Variants in SRSF11 observed in about 807,000 individuals in gnomAD.
SRSF11 encodes serine and arginine rich splicing factor 11, also known as serine/arginine-rich splicing factor 11.
In SRSF11, 9 loss-of-function variants were observed where a neutral mutation model predicts 56.0. The observed-to-expected ratio is 0.16, with a 90% CI of 0.10 to 0.28. SRSF11 has a LOEUF of 0.28. SRSF11 is among the 10% of genes least tolerant of loss of function. SRSF11 has a pLI of 1.00. For synonymous variants in SRSF11, 222 were observed against 215.3 expected, an observed-to-expected ratio of 1.03 and a Z score of -0.27; for missense variants, 421 against 600.7, an observed-to-expected ratio of 0.70 and a Z score of 3.13.
At chr1:70,238,937 T>G (rs1422575334) in intron 6 of SRSF11, among the ~76,000 whole-genome samples, 1 of 152,190 alleles carries the variant, frequency 6.6e-6, no homozygotes, top group Non-Finnish European at 1.5e-5. Flanking sequence ...CTTGGATGAT[T>G]TGCAATTTAT....
chr1:70,237,024 T>C (rs1192171892), intron 5 of SRSF11, among the ~76,000 whole-genome samples: 1 of 151,950 alleles, frequency 6.6e-6, no homozygotes, highest in Non-Finnish European at 1.5e-5. Context: ...CCTGACCTCG[T>C]GATCCACCTG....
chr1:70,242,129 A>ACT (rs1233555004), intron 7 of SRSF11, among the ~76,000 whole-genome samples: 1 of 149,996 alleles, frequency 6.7e-6, no homozygotes, highest in Non-Finnish European at 1.5e-5. Flanking sequence ...GGATGGCGCC[A>ACT]CTGCACTCCA....
At chr1:70,237,619 A>G in intron 6 of SRSF11, 67 bp downstream of exon 6, 21 of 1,592,816 alleles carry the variant, frequency 1.3e-5, no homozygotes, top group Non-Finnish European at 1.7e-5. Context: ...TAAATGTGGA[A>G]TTGTGTTGAG....
chr1:70,214,429 T>C (rs564571125), intron 1 of SRSF11, among the ~76,000 whole-genome samples: 1 of 152,320 alleles, frequency 6.6e-6, no homozygotes, highest in African/African-American at 2.4e-5. Flanking sequence ...GTGTATACGA[T>C]GCAAGCACCA....
At chr1:70,206,553 A>G (rs1669042887) in intron 1 of SRSF11, among the ~76,000 whole-genome samples, 1 of 152,166 alleles carries the variant, frequency 6.6e-6, no homozygotes. Flanking sequence ...AATTATTAAG[A>G]TTAATCCTGC....
chr1:70,221,808 A>G lies in SRSF11; in HGVS notation c.172A>G (p.Lys58Glu). ...QMRTLFGFLGKIDELRLFPPD... is the reference protein window; with the variant it reads ...QMRTLFGFLGEIDELRLFPPD... ...GCGGACTCTCTTCGGTTTCCTAGGC[A>G]AGATCGACGAACTGCGCCTCTTCCC... Residue 58 changes from lysine (K) to glutamate (E), a missense_variant, in exon 1 of 12, where the codon AAG (lysine) becomes GAG (glutamate). By Grantham distance (56) the Lys-to-Glu change is moderately conservative. Around this residue, in one of 2 missense-constraint regions of SRSF11, gnomAD observed 168 missense variants for 294.9 expected, o/e 0.57. Coordinates refer to ENST00000370949, the MANE Select transcript of SRSF11 (RefSeq NM_001350605.2). The G allele has an allele frequency of 3.1e-6, 5 of 1,613,962 alleles. No homozygotes were observed. The highest frequency in any genetic ancestry group is 4.2e-6 in the Non-Finnish European group (5 of 1,179,984).
chr1:70,233,649 A>G (rs1197561761), intron 3 of SRSF11, among the ~76,000 whole-genome samples: 2 of 152,254 alleles, frequency 1.3e-5, no homozygotes, highest in African/African-American at 2.4e-5. Context: ...TTACGAATAA[A>G]CAGTTAAATT....
chr1:70,207,667 C>T (rs1669171128), intron 1 of SRSF11, among the ~76,000 whole-genome samples: 1 of 151,488 alleles, frequency 6.6e-6, no homozygotes, highest in South Asian at 2.1e-4. Flanking sequence ...TTGAATTGCT[C>T]GAGTACAAAA....
intron 9 of SRSF11, chr1:70,247,192 A>G (rs1676950775): frequency 7.6e-6 from 6 of 787,684 alleles, no homozygotes; most frequent in Non-Finnish European, 9.6e-6. Flanking sequence ...TGGCTAAACC[A>G]TACTGAATTG....
At chr1:70,248,972 G>A (rs1677367180) in intron 9 of SRSF11, 1 of 152,034 alleles carries the variant, frequency 6.6e-6, no homozygotes, top group Non-Finnish European at 1.5e-5. Context: ...AGAGGGCTGT[G>A]TAAGTAGAAA....
intron 9 of SRSF11, among the ~76,000 whole-genome samples, chr1:70,247,867 A>G (rs1381166189): frequency 6.6e-6 from 1 of 152,162 alleles, no homozygotes; most frequent in Admixed American, 6.5e-5. Flanking sequence ...ATCTGTAGCC[A>G]TTACTCCAAA....
At chr1:70,224,270 A>G (rs1490810007) in intron 1 of SRSF11, among the ~76,000 whole-genome samples, 1 of 152,200 alleles carries the variant, frequency 6.6e-6, no homozygotes, top group Non-Finnish European at 1.5e-5. Context: ...ATTTCCCCCA[A>G]GAAGGCAGTG....
chr1:70,219,976 T>G (rs539398333), upstream of SRSF11, among the ~76,000 whole-genome samples: 1 of 152,338 alleles, frequency 6.6e-6, no homozygotes, highest in Non-Finnish European at 1.5e-5. Flanking sequence ...CATCTAAAAC[T>G]TTTACCTCTA....
intron 1 of SRSF11, among the ~76,000 whole-genome samples, chr1:70,226,652 T>C (rs1276998529): frequency 6.6e-6 from 1 of 152,180 alleles, no homozygotes; most frequent in Non-Finnish European, 1.5e-5. Context: ...GTTAATAATA[T>C]AAGATGATAG....
rs138880972 is a variant in SRSF11, at chr1:70,244,926, CAG to C, written c.932+112_932+113del. The C allele has an allele frequency of 9.0e-3, 9,005 of 1,004,472 alleles. 62 individuals carry two copies. The highest frequency in any genetic ancestry group is 0.01 in the Non-Finnish European group (7,409 of 706,670). 62.2% of individuals were successfully genotyped at this position (1,004,472 alleles called of 1,614,324 possible). A position where few individuals can be genotyped will look rare whatever the true frequency, so the allele number is the denominator to read the frequency against. On this transcript the variant is annotated intron_variant, in intron 8 of 11. Transcript: ENST00000370949. ...TGCGGGGCAGAGAAATAGGGCTAGA[CAG>C]GGGAAGAAACTGTCAATATTTGAGT...
intron 5 of SRSF11, 131 bp downstream of exon 5, chr1:70,235,681 T>A: frequency 2.4e-6 from 2 of 832,318 alleles, no homozygotes; most frequent in Non-Finnish European, 3.7e-6. Context: ...TATTGTTACC[T>A]AGAAACAAGG....
intron 7 of SRSF11, among the ~76,000 whole-genome samples, chr1:70,241,145 C>T (rs1675296997): frequency 6.6e-6 from 1 of 152,102 alleles, no homozygotes; most frequent in Non-Finnish European, 1.5e-5. Context: ...AGTTGTCTGC[C>T]TTTTCTTAGT....
chr1:70,250,922 A>G lies in SRSF11; in HGVS notation c.*117A>G. ...AGATGTATACAGCTCTGAGTTATAAATGGTTATAAAGCTCCTGTTACTCAT... is the reference window on the plus strand; with the variant it reads ...AGATGTATACAGCTCTGAGTTATAAGTGGTTATAAAGCTCCTGTTACTCAT... On this transcript the variant is annotated 3_prime_UTR_variant, in exon 12 of 12. Coordinates refer to ENST00000370949, the MANE Select transcript of SRSF11 (RefSeq NM_001350605.2). 1.1e-6 allele frequency: 1 copy of G among 871,508 alleles called. No individual in the cohort carries two copies. The highest frequency in any genetic ancestry group is 1.8e-5 in the South Asian group (1 of 54,716). The allele number at this position is 871,508 out of a possible 1,614,324, so 54.0% of individuals were successfully genotyped here.
upstream of SRSF11, among the ~76,000 whole-genome samples, chr1:70,219,995 C>G (rs1485758487): frequency 2.6e-5 from 4 of 152,260 alleles, no homozygotes; most frequent in East Asian, 5.8e-4. Flanking sequence ...TAAAAACATT[C>G]AAGGTCAAGT....
Sources: gnomAD v4.1 joint callset for allele counts (sites outside exome capture counted in the v4.1 genomes callset) on GRCh38, gnomAD v4.1.1 for gene constraint, gnomAD v4.1.1 regional missense constraint, MANE v1.5 for transcripts, NCBI Gene and HGNC (gene_info 2026-07-23, HGNC 2026-07-21) for gene names.